Variants in LDHAL6A observed in about 807,000 individuals in gnomAD.
LDHAL6A encodes lactate dehydrogenase A like 6A.
LDHAL6A carries 19 observed loss-of-function variants against 28.2 expected under a neutral mutation model. That is an observed-to-expected ratio of 0.67 (90% CI 0.47 to 0.99). The LOEUF is 0.99. LDHAL6A is among the 50% of genes least tolerant of loss of function. The pLI is 0.00. For synonymous variants in LDHAL6A, 144 were observed against 134.4 expected (o/e 1.07, Z -0.49); for missense variants, 372 against 398.6 (o/e 0.93, Z 0.57).
chr11:18,464,351 G>T (rs929287075), intron 2 of LDHAL6A, among the ~76,000 whole-genome samples: 79 of 152,288 alleles, frequency 5.2e-4, no homozygotes, highest in African/African-American at 1.6e-3. Context: ...ATTGACCCAA[G>T]CACTTTATAT....
chr11:18,459,191 C>T (rs1848833146), intron 1 of LDHAL6A, among the ~76,000 whole-genome samples: 1 of 152,018 alleles, frequency 6.6e-6, no homozygotes, highest in Non-Finnish European at 1.5e-5. Flanking sequence ...AGAGGCAAAC[C>T]CACCCTCAAT....
intron 6 of LDHAL6A, 79 bp from the exon 7 acceptor site, chr11:18,478,627 T>G (rs1456186475): frequency 1.8e-6 from 2 of 1,122,648 alleles, no homozygotes; most frequent in African/African-American, 3.1e-5. Context: ...AATCTGTTAT[T>G]CATTCACCTC....
Position 18,479,009 on chromosome 11 carries a change from GCTTTTTTTTTTTT to G in LDHAL6A, c.*147_*159del. On this transcript the variant is annotated 3_prime_UTR_variant, in exon 7 of 7. Transcript: ENST00000280706. ...GTGACCTATTTAGTATAGCCTTCCA[GCTTTTTTTTTTTT>G]CTTTTTTGGGAGGGTCTCATTCTGT... 1 of 702,022 alleles carries G rather than the reference GCTTTTTTTTTTTT, an allele frequency of 1.4e-6. No individual in the cohort carries two copies. The highest frequency in any genetic ancestry group is 3.0e-5 in the Admixed American group (1 of 33,400). The allele number at this position is 702,022 out of a possible 1,614,324, so 43.5% of individuals were successfully genotyped here.
chr11:18,460,355 G>T (rs532313241), intron 1 of LDHAL6A, among the ~76,000 whole-genome samples: 2 of 152,190 alleles, frequency 1.3e-5, no homozygotes, highest in African/African-American at 4.8e-5. Flanking sequence ...ACTTTGGGAG[G>T]CCAAGGCGGG....
chr11:18,463,888 A>G, intron 1 of LDHAL6A, 73 bp from the exon 2 acceptor site: 2 of 892,814 alleles, frequency 2.2e-6, no homozygotes, highest in South Asian at 1.4e-5. Context: ...GATCACCAAT[A>G]TAAGAATTTT....
At position 18,475,549 on chromosome 11, in the gene LDHAL6A, G is replaced by A; in HGVS notation, c.502G>A (p.Ala168Thr). 1 of 1,614,036 alleles carries A rather than the reference G, an allele frequency of 6.2e-7. No homozygotes were observed. Among genetic ancestry groups the A allele is most frequent in the Non-Finnish European group, 8.5e-7 (1 of 1,179,904 alleles). Residue 168 changes from alanine (A) to threonine (T), a missense_variant, in exon 4 of 7, where the codon GCT becomes ACT. Coordinates refer to ENST00000280706, the MANE Select transcript of LDHAL6A (RefSeq NM_144972.5). Reference protein sequence around the residue: ...VIGSGCNLDSARFRYFIGQRL... With the variant: ...VIGSGCNLDSTRFRYFIGQRL... Reference sequence around the variant, plus strand: ...TGGAAGTGGTTGTAATCTGGACTCTGCTCGTTTTCGTTACTTTATTGGGCA... The same window carrying A: ...TGGAAGTGGTTGTAATCTGGACTCTACTCGTTTTCGTTACTTTATTGGGCA...
intron 3 of LDHAL6A, among the ~76,000 whole-genome samples, chr11:18,473,494 T>C (rs1002039333): frequency 2.0e-5 from 3 of 152,208 alleles, no homozygotes; most frequent in African/African-American, 7.2e-5. Flanking sequence ...CTTGAACCCC[T>C]GGGCTCAAGT....
At chr11:18,460,269 A>C (rs1422519269) in intron 1 of LDHAL6A, among the ~76,000 whole-genome samples, 1 of 152,142 alleles carries the variant, frequency 6.6e-6, no homozygotes, top group Non-Finnish European at 1.5e-5. Flanking sequence ...CCCTGTCTCT[A>C]AAATATAAAT....
At position 18,456,763 on chromosome 11, in the gene LDHAL6A, C is replaced by A. The variant is rs1270110425; in HGVS notation, c.83C>A (p.Thr28Asn). The change falls in exon 1 of 7, where the codon ACT becomes AAT. Residue 28 changes from threonine (T) to asparagine (N), a missense_variant. Around this residue, in one of 3 missense-constraint regions of LDHAL6A, gnomAD observed 77 missense variants for 77.9 expected, o/e 0.99. Transcript: ENST00000280706. Reference sequence around the variant, plus strand: ...CACAATAAGATCTCCATTGTAGGAACTGGATCGGTTGGTGTGGCTTGTGCT... The same window carrying A: ...CACAATAAGATCTCCATTGTAGGAAATGGATCGGTTGGTGTGGCTTGTGCT... ...IHHNKISIVG[T>N]GSVGVACAIS... 2.5e-6 allele frequency: 4 copies of A among 1,613,960 alleles called. No homozygotes were observed. Among genetic ancestry groups the A allele is most frequent in the Non-Finnish European group, 3.4e-6 (4 of 1,179,922 alleles).
In LDHAL6A at chr11:18,479,390, C is replaced by T. The variant is rs543805619; in HGVS notation, c.*520C>T. On this transcript the variant is annotated 3_prime_UTR_variant, in exon 7 of 7. Transcript: ENST00000280706. Reference sequence around the variant, plus strand: ...TCTCAGTACTTGCCTTGTATGTATACGTAATTGCCATCTGGTCCACAAGAA... The same window carrying T: ...TCTCAGTACTTGCCTTGTATGTATATGTAATTGCCATCTGGTCCACAAGAA... 41 of 150,120 alleles carry T rather than the reference C, an allele frequency of 2.7e-4. No homozygotes were observed. The highest frequency in any genetic ancestry group is 9.1e-4 in the African/African-American group (37 of 40,634). 9.3% of individuals were successfully genotyped at this position (150,120 alleles called of 1,614,324 possible). A position where few individuals can be genotyped will look rare whatever the true frequency, so the allele number is the denominator to read the frequency against.
Position 18,478,929 on chromosome 11 carries a change from T to A in LDHAL6A, c.*59T>A. The A allele has an allele frequency of 7.3e-7, 1 of 1,371,398 alleles. No homozygotes were observed. The highest frequency in any genetic ancestry group is 2.3e-5 in the East Asian group (1 of 43,188). 85.0% of individuals were successfully genotyped at this position (1,371,398 alleles called of 1,614,324 possible). On this transcript the variant is annotated 3_prime_UTR_variant, in exon 7 of 7. Transcript: ENST00000280706. ...GAAATAGTAGTTATGGAATTGTATA[T>A]GTCAAACTTTTGAATAAATTTGAAT... is the stretch of plus-strand genomic sequence containing the variant.
In LDHAL6A at chr11:18,465,651, G is replaced by A. The variant is rs1407339726; in HGVS notation, c.259G>A (p.Ala87Thr). Residue 87 changes from alanine (A) to threonine (T), a missense_variant, in exon 3 of 7, where the codon GCA becomes ACA. By Grantham distance (58) the Ala-to-Thr change is moderately conservative. Around this residue, in one of 3 missense-constraint regions of LDHAL6A, gnomAD observed 291 missense variants for 302.9 expected, o/e 0.96. Transcript: ENST00000280706. ...TCTTTCCTCAGATTACCTGGTCACT[G>A]CAAACTCCAATCTAGTGATTATCAC... ...IVSSKDYLVT[A>T]NSNLVIITAG... The A allele has an allele frequency of 6.2e-7, 1 of 1,612,998 alleles. No individual in the cohort carries two copies. Among genetic ancestry groups the A allele is most frequent in the Non-Finnish European group, 8.5e-7 (1 of 1,179,556 alleles).
At chr11:18,466,290 C>CTT (rs1165577737) in intron 3 of LDHAL6A, among the ~76,000 whole-genome samples, 2 of 151,534 alleles carry the variant, frequency 1.3e-5, no homozygotes, top group African/African-American at 2.4e-5. Context: ...TCCAGAATCT[C>CTT]TGTTTTGTTA....
At chr11:18,465,247 C>T (rs1358193923) in intron 2 of LDHAL6A, among the ~76,000 whole-genome samples, 1 of 151,858 alleles carries the variant, frequency 6.6e-6, no homozygotes, top group Admixed American at 6.6e-5. Context: ...CTCAGTCTCC[C>T]TTGTAGCTGG....
chr11:18,462,975 A>G (rs1019260322), intron 1 of LDHAL6A, among the ~76,000 whole-genome samples: 10 of 151,766 alleles, frequency 6.6e-5, no homozygotes, highest in Non-Finnish European at 1.5e-4. Context: ...TTTCAAATAG[A>G]AGTATATTTT....
At chr11:18,461,420 G>T (rs1250384614) in intron 1 of LDHAL6A, among the ~76,000 whole-genome samples, 1 of 151,074 alleles carries the variant, frequency 6.6e-6, no homozygotes, top group Middle Eastern at 3.5e-3. Context: ...TGGGATTATA[G>T]GCGTGAGCCA....
intron 2 of LDHAL6A, among the ~76,000 whole-genome samples, chr11:18,464,575 C>G (rs1007927058): frequency 1.3e-5 from 2 of 151,940 alleles, no homozygotes; most frequent in Admixed American, 6.6e-5. Context: ...ATTAGCCGGG[C>G]GTGGTGGTGC....
At position 18,455,928 on chromosome 11, in the gene LDHAL6A, C is replaced by T. The variant is rs1848740765; in HGVS notation, c.-753C>T. 1 of 137,298 alleles carries T rather than the reference C, an allele frequency of 7.3e-6. No homozygotes were observed. Among genetic ancestry groups the T allele is most frequent in the Non-Finnish European group, 1.6e-5 (1 of 63,960 alleles). The allele number at this position is 137,298 out of a possible 1,614,324, so 8.5% of individuals were successfully genotyped here. A position where few individuals can be genotyped will look rare whatever the true frequency, so the allele number is the denominator to read the frequency against. ...CCTGCCAAGCATCACACCTGCCAAG[C>T]ATCACACCTGCGATGCCTGCACGAG... On this transcript the variant is annotated 5_prime_UTR_variant, in exon 1 of 7. Coordinates refer to ENST00000280706, the MANE Select transcript of LDHAL6A (RefSeq NM_144972.5).
chr11:18,478,148 G>C (rs574261870), intron 6 of LDHAL6A, among the ~76,000 whole-genome samples: 1 of 152,212 alleles, frequency 6.6e-6, no homozygotes, highest in East Asian at 1.9e-4. Context: ...TAGTCTCCTG[G>C]GGAAAGGGGA....
Sources: allele counts gnomAD v4.1 joint callset (sites outside exome capture counted in the v4.1 genomes callset), GRCh38; gene constraint gnomAD v4.1.1; regional missense constraint gnomAD v4.1.1; transcripts MANE v1.5; gene names NCBI Gene and HGNC (gene_info 2026-07-23, HGNC 2026-07-21).